ITCH: variants seen among roughly 807,000 people sequenced by gnomAD.
The protein encoded by ITCH is itchy E3 ubiquitin protein ligase.
ITCH carries 28 observed loss-of-function variants against 126.8 expected under a neutral mutation model. That is an observed-to-expected ratio of 0.22 (90% CI 0.16 to 0.30). The LOEUF (loss-of-function observed/expected upper bound fraction) is 0.30. Ranked by LOEUF, ITCH falls within the 10% of genes least tolerant of loss-of-function variation. The pLI, the probability that ITCH is intolerant of heterozygous loss-of-function variation, is 1.00. For missense variants in ITCH, 631 were observed against 1,032.4 expected (o/e 0.61, Z 5.33); for synonymous variants, 342 against 340.0 (o/e 1.01, Z -0.06).
chr20:34,497,827 C>T (rs1344213416), intron 23 of ITCH, among the ~76,000 whole-genome samples: 1 of 152,228 alleles, frequency 6.6e-6, no homozygotes, highest in Non-Finnish European at 1.5e-5. Context: ...ATCCGCCCAC[C>T]TTGGCCTCCC....
intron 24 of ITCH, among the ~76,000 whole-genome samples, chr20:34,504,673 G>A (rs958828501): frequency 3.3e-5 from 5 of 152,028 alleles, no homozygotes; most frequent in African/African-American, 4.8e-5. Context: ...AGAAAGTTAG[G>A]AGACCTACTT....
At chr20:34,448,547 T>G (rs1426914608) in intron 11 of ITCH, among the ~76,000 whole-genome samples, 2 of 151,942 alleles carry the variant, frequency 1.3e-5, no homozygotes, top group African/African-American at 4.8e-5. Flanking sequence ...TGAATCCTGG[T>G]GCTGGGTATG....
intron 3 of ITCH, among the ~76,000 whole-genome samples, chr20:34,404,015 A>C (rs2038970053): frequency 6.6e-6 from 1 of 152,184 alleles, no homozygotes; most frequent in Admixed American, 6.5e-5. Flanking sequence ...TTTTTCAGGC[A>C]ATAAAGAATC....
rs139057972 is a variant in ITCH, at chr20:34,453,069, G to T, written c.1210+3589G>T. ...CAGGAAGTGTTCTAATCTGCATTTG[G>T]ATTTGATGTTCAGTAATTTCAGTAT... On this transcript the variant is annotated intron_variant, in intron 12 of 24. Coordinates refer to ENST00000374864, the MANE Select transcript of ITCH (RefSeq NM_031483.7). Among the ~76,000 whole-genome samples, 1,187 of 152,168 alleles carry T rather than the reference G, an allele frequency of 7.8e-3. 15 individuals carry two copies. The highest frequency in any genetic ancestry group is 0.027 in the African/African-American group (1,129 of 41,500).
chr20:34,372,312 CAAAA>C (rs368969042), intron 2 of ITCH, among the ~76,000 whole-genome samples: 1 of 73,100 alleles, frequency 1.4e-5, no homozygotes, highest in Non-Finnish European at 2.4e-5. Flanking sequence ...TACTTTGTCT[CAAAA>C]AAAAAAAAAA....
chr20:34,395,060 C>T (rs988894436), intron 3 of ITCH, among the ~76,000 whole-genome samples: 3 of 151,774 alleles, frequency 2.0e-5, no homozygotes, highest in Non-Finnish European at 2.9e-5. Context: ...GGTGAAACCC[C>T]GTCTCTATTA....
At chr20:34,426,328 A>T (rs1320306747) in intron 7 of ITCH, among the ~76,000 whole-genome samples, 3 of 152,162 alleles carry the variant, frequency 2.0e-5, no homozygotes, top group Admixed American at 2.0e-4. Flanking sequence ...GCAGAGGAGG[A>T]TAGGTGAAGA....
At chr20:34,476,420 C>T in intron 16 of ITCH, 1 of 1,232,942 alleles carries the variant, frequency 8.1e-7, no homozygotes, top group Non-Finnish European at 1.0e-6. Flanking sequence ...CCGGCCGGGT[C>T]GCCGAGGACC....
intron 16 of ITCH, among the ~76,000 whole-genome samples, chr20:34,475,279 G>T (rs567929409): frequency 1.6e-4 from 25 of 152,260 alleles, no homozygotes; most frequent in African/African-American, 6.0e-4. Context: ...CTGCAATCTC[G>T]GCACTTTGGG....
Position 34,442,197 on chromosome 20 carries a change from T to G in ITCH, c.870-11T>G. 2 of 1,606,104 alleles carry G rather than the reference T, an allele frequency of 1.2e-6. No individual in the cohort carries two copies. Among genetic ancestry groups the G allele is most frequent in the Non-Finnish European group, 1.7e-6 (2 of 1,172,718 alleles). On this transcript the variant is annotated splice_polypyrimidine_tract_variant and intron_variant, in intron 9 of 24. Transcript: ENST00000374864. The stretch of plus-strand genomic sequence containing the variant: ...CAAGTATTTTACCAGCCTTTTAATT[T>G]TGTATTTAAGTTGGGAGCAGAGAGT...
chr20:34,400,831 C>A (rs1228383591), intron 3 of ITCH, among the ~76,000 whole-genome samples: 1 of 151,794 alleles, frequency 6.6e-6, no homozygotes, highest in Non-Finnish European at 1.5e-5. Context: ...GATCTTGGCT[C>A]ACTGCAACCT....
At chr20:34,503,853 GTTTT>G (rs776389533) in intron 23 of ITCH, among the ~76,000 whole-genome samples, 1 of 86,200 alleles carries the variant, frequency 1.2e-5, no homozygotes, top group African/African-American at 4.4e-5. Flanking sequence ...GGTTTTTTGG[GTTTT>G]TTTTTTTTTT....
In ITCH at chr20:34,440,140, C is replaced by T. The variant is rs778159656; in HGVS notation, c.680-15C>T. ...ATGAAAGATTCTTTTCCTATTTTCC[C>T]CAAATCTTTTATAGCATCTGTCAAT... On this transcript the variant is annotated splice_polypyrimidine_tract_variant and intron_variant, in intron 8 of 24. Coordinates refer to ENST00000374864, the MANE Select transcript of ITCH (RefSeq NM_031483.7). The T allele has an allele frequency of 2.5e-6, 4 of 1,589,360 alleles. No individual in the cohort carries two copies. Among genetic ancestry groups the T allele is most frequent in the African/African-American group, 2.7e-5 (2 of 74,352 alleles).
intron 6 of ITCH, among the ~76,000 whole-genome samples, chr20:34,420,525 T>C (rs541982669): frequency 1.3e-5 from 2 of 152,362 alleles, no homozygotes; most frequent in South Asian, 4.1e-4. Flanking sequence ...TTATGAATTA[T>C]AAATAATGCT....
At chr20:34,489,989 C>T (rs1299204799) in intron 22 of ITCH, 63 bp downstream of exon 22, 3 of 1,228,846 alleles carry the variant, frequency 2.4e-6, no homozygotes, top group Non-Finnish European at 3.6e-6. Flanking sequence ...TTGCTTACCA[C>T]ATATGGAAAT....
chr20:34,413,919 TAAATA>T (rs747917160), intron 6 of ITCH, 40 bp downstream of exon 6: 7 of 1,493,338 alleles, frequency 4.7e-6, no homozygotes, highest in East Asian at 2.3e-5. Flanking sequence ...TGATTCTTCT[TAAATA>T]AAATAGCCAT....
At chr20:34,431,305 C>G (rs1321439681) in intron 7 of ITCH, among the ~76,000 whole-genome samples, 1 of 152,066 alleles carries the variant, frequency 6.6e-6, no homozygotes, top group East Asian at 1.9e-4. Context: ...CCCAGCTACT[C>G]AGGAGGCTAA....
chr20:34,441,591 AT>A (rs55890829), intron 9 of ITCH: 24 of 137,626 alleles, frequency 1.7e-4, no homozygotes, highest in Admixed American at 4.3e-4. Context: ...TGCCCAGCTA[AT>A]TTTTTTTTTT....
At chr20:34,469,136 G>A (rs1355222103) in intron 14 of ITCH, among the ~76,000 whole-genome samples, 1 of 152,050 alleles carries the variant, frequency 6.6e-6, no homozygotes, top group Non-Finnish European at 1.5e-5. Context: ...ATTCTTCAAA[G>A]TGACCTCATG....
Sources: allele counts gnomAD v4.1 joint callset (sites outside exome capture counted in the v4.1 genomes callset), GRCh38; gene constraint gnomAD v4.1.1; transcripts MANE v1.5; gene names NCBI Gene and HGNC (gene_info 2026-07-23, HGNC 2026-07-21).